Variants in ADAM18 observed in about 807,000 individuals in gnomAD.
ADAM18 encodes disintegrin and metalloproteinase domain-containing protein 18.
In ADAM18, 117 loss-of-function variants were observed where a neutral mutation model predicts 94.4. That is an observed-to-expected ratio of 1.24 (90% CI 1.07 to 1.45). The LOEUF (loss-of-function observed/expected upper bound fraction) is 1.45, where lower values mean the gene tolerates loss of function less well. Among genes scored for constraint, ADAM18 ranks in the 40% most tolerant of loss-of-function variants. The pLI is 0.00. For missense variants in ADAM18, 936 were observed against 880.0 expected (o/e 1.06, Z -0.81); for synonymous variants, 327 against 291.6 (o/e 1.12, Z -1.24).
intron 3 of ADAM18, among the ~76,000 whole-genome samples, chr8:39,607,143 CTAAAGTA>C (rs556654500): frequency 9.2e-5 from 14 of 152,112 alleles, no homozygotes; most frequent in Admixed American, 2.6e-4. Context: ...GTAAAATTCT[CTAAAGTA>C]TAAAGTTCAA....
chr8:39,621,142 CAT>C (rs2129578802), intron 6 of ADAM18, among the ~76,000 whole-genome samples: 1 of 152,080 alleles, frequency 6.6e-6, no homozygotes, highest in South Asian at 2.1e-4. Flanking sequence ...CTGAAAAGGA[CAT>C]AGACATGGCA....
At chr8:39,707,783 T>G (rs1822282051) in intron 18 of ADAM18, among the ~76,000 whole-genome samples, 1 of 152,190 alleles carries the variant, frequency 6.6e-6, no homozygotes, top group African/African-American at 2.4e-5. Context: ...ACATTTTTTC[T>G]TACATATATT....
At chr8:39,636,022 T>TGA (rs560342416) in intron 7 of ADAM18, among the ~76,000 whole-genome samples, 5 of 144,752 alleles carry the variant, frequency 3.5e-5, no homozygotes, top group South Asian at 4.3e-4. Flanking sequence ...TTTTTTTTTT[T>TGA]GAGAGAGAGA....
intron 6 of ADAM18, among the ~76,000 whole-genome samples, chr8:39,615,263 C>A: frequency 6.7e-6 from 1 of 149,736 alleles, no homozygotes; most frequent in South Asian, 2.1e-4. Flanking sequence ...CTTTTTGGAA[C>A]ACAGTACAAT....
At chr8:39,682,293 G>A (rs192211071) in intron 16 of ADAM18, among the ~76,000 whole-genome samples, 1 of 152,182 alleles carries the variant, frequency 6.6e-6, no homozygotes, top group African/African-American at 2.4e-5. Context: ...ATATTTGTGA[G>A]CATGTCTTTT....
At chr8:39,604,345 A>G (rs1428757287) in intron 2 of ADAM18, among the ~76,000 whole-genome samples, 1 of 152,138 alleles carries the variant, frequency 6.6e-6, no homozygotes, top group Non-Finnish European at 1.5e-5. Flanking sequence ...ACTCCTTATA[A>G]TGTCTATTTT....
Position 39,677,508 on chromosome 8 carries a change from A to T in ADAM18, c.1603A>T (p.Asn535Tyr), listed in dbSNP as rs1821331068. The T allele has an allele frequency of 6.2e-7, 1 of 1,609,992 alleles. No individual in the cohort carries two copies. The highest frequency in any genetic ancestry group is 8.5e-7 in the Non-Finnish European group (1 of 1,178,988). Reference sequence around the variant, plus strand: ...AAGATCTGAAAACTGTGGTTTTAAAAATTCACAACCATTACCTTGTGAACG... The same window carrying T: ...AAGATCTGAAAACTGTGGTTTTAAATATTCACAACCATTACCTTGTGAACG... ...HERSENCGFK[N>Y]SQPLPCERKD... Residue 535 changes from asparagine to tyrosine, a missense_variant, in exon 15 of 20, where the codon AAT becomes TAT. Asn to Tyr is a moderately radical substitution (Grantham distance 143, BLOSUM62 -2). Coordinates refer to ENST00000265707, the MANE Select transcript of ADAM18 (RefSeq NM_014237.3).
chr8:39,637,561 G>GT lies in ADAM18; in HGVS notation c.687dup (p.Ile230TyrfsTer11). On this transcript the variant is annotated frameshift_variant, in exon 9 of 20. Coordinates refer to ENST00000265707, the MANE Select transcript of ADAM18 (RefSeq NM_014237.3). LOFTEE classifies it high-confidence loss of function. ...GATGTTTACCCAGTTCAAATTGACT[G>GT]TTATACTGTCTTCCTTGGAATTGTG... 2 of 1,612,074 alleles carry GT rather than the reference G, an allele frequency of 1.2e-6. No individual in the cohort carries two copies. Among genetic ancestry groups the GT allele is most frequent in the Non-Finnish European group, 1.7e-6 (2 of 1,178,938 alleles).
In ADAM18 at chr8:39,610,636, C is replaced by A. The variant is rs142169302; in HGVS notation, c.452C>A (p.Ser151Tyr). ...YQMKNNDPNV[S>Y]ILAVNYSHIW... is the part of the protein sequence containing the mutation. ...ATGAAAAATAATGATCCAAATGTATCCATTTTAGCAGTAAATTACAGTCAT... is the reference window on the plus strand; with the variant it reads ...ATGAAAAATAATGATCCAAATGTATACATTTTAGCAGTAAATTACAGTCAT... The change falls in exon 6 of 20, where the codon TCC becomes TAC. Residue 151 changes from serine to tyrosine, a missense_variant. Physicochemically the swap from Ser to Tyr is moderately radical, Grantham distance 144 (BLOSUM62 -2). Coordinates refer to ENST00000265707, the MANE Select transcript of ADAM18 (RefSeq NM_014237.3). 1,352 of 1,612,754 alleles carry A rather than the reference C, an allele frequency of 8.4e-4. No homozygotes were observed. The highest frequency in any genetic ancestry group is 1.1e-3 in the Non-Finnish European group (1,272 of 1,179,166).
At chr8:39,679,936 T>C (rs1821397680) in intron 15 of ADAM18, 101 bp from the exon 16 acceptor site, 2 of 1,115,214 alleles carry the variant, frequency 1.8e-6, no homozygotes, top group Non-Finnish European at 1.3e-6. Flanking sequence ...TCAGTTGTTA[T>C]ACTATCAATT....
rs1194674275 is a variant in ADAM18 at position 39,668,104 on chromosome 8, T to C, written c.1433T>C (p.Leu478Ser). The C allele has an allele frequency of 1.2e-6, 2 of 1,614,020 alleles. No homozygotes were observed. Among genetic ancestry groups the C allele is most frequent in the East Asian group, 4.5e-5 (2 of 44,886 alleles). ...AATTGTGTTCCTGACACTTATGCAT[T>C]GAATGGCCGTTTGTGCAAGTTGGGA... ...SSNCVPDTYA[L>S]NGRLCKLGTA... The change falls in exon 14 of 20, where the codon TTG becomes TCG. Residue 478 changes from leucine to serine, a missense_variant. Leu to Ser is a moderately radical substitution (Grantham distance 145). Transcript: ENST00000265707.
At chr8:39,632,371 A>C (rs1350056878) in intron 7 of ADAM18, among the ~76,000 whole-genome samples, 1 of 151,994 alleles carries the variant, frequency 6.6e-6, no homozygotes, top group Non-Finnish European at 1.5e-5. Flanking sequence ...GATCTTTATA[A>C]TATTGGGAAG....
At chr8:39,659,309 C>A (rs532428345) in intron 12 of ADAM18, among the ~76,000 whole-genome samples, 1 of 151,028 alleles carries the variant, frequency 6.6e-6, no homozygotes, top group East Asian at 1.9e-4. Context: ...GGAAAATTAC[C>A]TACGAAATCT....
chr8:39,589,846 A>G (rs1264136340), intron 2 of ADAM18, among the ~76,000 whole-genome samples: 1 of 152,094 alleles, frequency 6.6e-6, no homozygotes, highest in Non-Finnish European at 1.5e-5. Flanking sequence ...GCTCATCATC[A>G]CTGGCCATCA....
chr8:39,590,110 A>T (rs1818527910), intron 2 of ADAM18, among the ~76,000 whole-genome samples: 1 of 151,484 alleles, frequency 6.6e-6, no homozygotes, highest in Non-Finnish European at 1.5e-5. Context: ...ACTATAAATC[A>T]TGCTGCTATA....
chr8:39,649,336 A>C (rs1427153543), intron 12 of ADAM18, among the ~76,000 whole-genome samples: 2 of 151,992 alleles, frequency 1.3e-5, no homozygotes, highest in South Asian at 4.2e-4. Context: ...CATATATCAC[A>C]CTTAAATGTA....
chr8:39,624,475 CTGGG>C (rs1306064461), intron 6 of ADAM18, among the ~76,000 whole-genome samples: 1 of 152,094 alleles, frequency 6.6e-6, no homozygotes, highest in Non-Finnish European at 1.5e-5. Flanking sequence ...GGCTTTATTT[CTGGG>C]TTCTCTAGTA....
At chr8:39,692,379 T>A (rs1821804697) in intron 16 of ADAM18, among the ~76,000 whole-genome samples, 1 of 151,804 alleles carries the variant, frequency 6.6e-6, no homozygotes, top group East Asian at 1.9e-4. Context: ...TCAGGGCAAA[T>A]GCTGTCAGTT....
At chr8:39,648,272 T>C in intron 11 of ADAM18, 72 bp from the exon 12 acceptor site, 1 of 1,242,210 alleles carries the variant, frequency 8.1e-7, no homozygotes. Flanking sequence ...TACATGATTA[T>C]GTATGGAGTG....
Sources: allele counts gnomAD v4.1 joint callset (sites outside exome capture counted in the v4.1 genomes callset), GRCh38; gene constraint gnomAD v4.1.1; transcripts MANE v1.5; gene names NCBI Gene and HGNC (gene_info 2026-07-23, HGNC 2026-07-21).